The following PCDHGA1 variants were observed in gnomAD, a reference collection of about 807,000 sequenced individuals.
PCDHGA1 encodes the protein protocadherin gamma-A1.
A neutral mutation model predicts 58.0 loss-of-function variants in PCDHGA1; 32 were observed. The observed-to-expected ratio is 0.55, with a 90% confidence interval of 0.42 to 0.74. The LOEUF (loss-of-function observed/expected upper bound fraction) is 0.74, where lower values mean the gene tolerates loss of function less well. PCDHGA1 is among the 30% of genes least tolerant of loss of function. PCDHGA1 has a pLI of 0.00. For synonymous variants in PCDHGA1, 498 were observed against 501.1 expected (o/e 0.99, Z 0.08); for missense variants, 1,205 against 1,182.3 (o/e 1.02, Z -0.28).
chr5:141,503,713 C>T (rs867005984), intron 2 of PCDHGA1, among the ~76,000 whole-genome samples: 6 of 152,134 alleles, frequency 3.9e-5, no homozygotes, highest in Non-Finnish European at 8.8e-5. Context: ...TCCCCTTCAA[C>T]CCTAGCTTTA....
At chr5:141,478,019 C>T in intron 1 of PCDHGA1, 1 of 1,614,136 alleles carries the variant, frequency 6.2e-7, no homozygotes, top group Non-Finnish European at 8.5e-7. Flanking sequence ...CCGTCCAGTC[C>T]AAGACACAGA....
rs1338844043 is a variant in PCDHGA1 at position 141,332,852 on chromosome 5, G to T, written c.2168G>T (p.Arg723Leu). 1 of 1,614,236 alleles carries T rather than the reference G, an allele frequency of 6.2e-7. No homozygotes were observed. Among genetic ancestry groups the T allele is most frequent in the South Asian group, 1.1e-5 (1 of 91,086 alleles). ...AGGCTGCGGCGCTGGCACAAGTCAC[G>T]TCTGCTACAGGCTTCGGGAGGCGGC... is the stretch of plus-strand genomic sequence containing the variant. ...AHRLRRWHKS[R>L]LLQASGGGLA... Residue 723 changes from arginine to leucine, a missense_variant, in exon 1 of 4, where the codon CGT becomes CTT. Coordinates refer to ENST00000517417, the MANE Select transcript of PCDHGA1 (RefSeq NM_018912.3). The surrounding 1 kb of genome is among the most constrained non-coding windows in gnomAD (Gnocchi z 4.6).
In PCDHGA1 at chr5:141,364,672, GAAA is replaced by G. The variant is rs1433905391; in HGVS notation, c.2421+31569_2421+31571del. On this transcript the variant is annotated intron_variant, in intron 1 of 3. Coordinates refer to ENST00000517417, the MANE Select transcript of PCDHGA1 (RefSeq NM_018912.3). ...TTAACATCTTGGTTGAGAACAAAAT[GAAA>G]ATTTATGGAGTAGAAGTAGAAATAA... 6 of 1,613,908 alleles carry G rather than the reference GAAA, an allele frequency of 3.7e-6. No individual in the cohort carries two copies. In the African/African-American group the frequency reaches 6.7e-5, roughly 18 times the overall value.
At chr5:141,360,394 A>G in intron 1 of PCDHGA1, 8 of 1,613,932 alleles carry the variant, frequency 5.0e-6, no homozygotes, top group Non-Finnish European at 6.8e-6. Context: ...CTTACTTGTG[A>G]GTGACAGAAT....
chr5:141,405,353 A>G lies in PCDHGA1; in HGVS notation c.2421+72248A>G, dbSNP rs187461819. 6.9e-5 allele frequency: 112 copies of G among 1,614,026 alleles called. No homozygotes were observed. Among genetic ancestry groups the G allele is most frequent in the Admixed American group, 5.8e-4 (35 of 60,010 alleles). On this transcript the variant is annotated intron_variant, in intron 1 of 3. Coordinates refer to ENST00000517417, the MANE Select transcript of PCDHGA1 (RefSeq NM_018912.3). Reference sequence around the variant, plus strand: ...CGTCTCTGTTGATTCCAAGTTTCCTATAGAAGACACCCCTTTGGTTCCGGT... The same window carrying G: ...CGTCTCTGTTGATTCCAAGTTTCCTGTAGAAGACACCCCTTTGGTTCCGGT...
In PCDHGA1 at chr5:141,487,954, T is replaced by C. The variant is rs2099669751; in HGVS notation, c.2422-6853T>C. On this transcript the variant is annotated intron_variant, in intron 1 of 3. Transcript: ENST00000517417. The surrounding 1 kb of genome is among the most constrained non-coding windows in gnomAD (Gnocchi z 5.0). ...GGGTACAGTGCACCAGGCAGTCACTTGGACAAAGGTGGCTGTTTTCTCTAC... is the reference window on the plus strand; with the variant it reads ...GGGTACAGTGCACCAGGCAGTCACTCGGACAAAGGTGGCTGTTTTCTCTAC... Among the ~76,000 whole-genome samples the C allele has an allele frequency of 6.6e-6, 1 of 152,182 alleles. No homozygotes were observed. The highest frequency in any genetic ancestry group is 1.5e-5 in the Non-Finnish European group (1 of 68,020).
intron 1 of PCDHGA1, chr5:141,405,141 A>G (rs749502643): frequency 6.2e-7 from 1 of 1,613,980 alleles, no homozygotes; most frequent in South Asian, 1.1e-5. Flanking sequence ...GCTACCAGTG[A>G]TGGGTTGGCT....
intron 1 of PCDHGA1, chr5:141,408,047 A>C (rs1038145479): frequency 2.4e-6 from 3 of 1,243,316 alleles, no homozygotes; most frequent in Non-Finnish European, 3.2e-6. Context: ...GCTCCCACAC[A>C]GAGCCTCCCG....
intron 1 of PCDHGA1, chr5:141,419,197 T>A (rs560134083): frequency 6.2e-7 from 1 of 1,613,966 alleles, no homozygotes; most frequent in East Asian, 2.2e-5. Flanking sequence ...CTGACGTCAA[T>A]GACAACGCGC....
chr5:141,382,978 T>C, intron 1 of PCDHGA1: 1 of 1,610,702 alleles, frequency 6.2e-7, no homozygotes, highest in Non-Finnish European at 8.5e-7. Context: ...CTGGGAAGCC[T>C]GGGCAGGACG....
intron 1 of PCDHGA1, chr5:141,419,008 G>T: frequency 6.2e-7 from 1 of 1,613,978 alleles, no homozygotes; most frequent in Non-Finnish European, 8.5e-7. Flanking sequence ...GGGAAGTCAG[G>T]TGTAGCTTAA....
At position 141,490,076 on chromosome 5, in the gene PCDHGA1, A is replaced by G. The variant is rs1025569516; in HGVS notation, c.2422-4731A>G. 2.5e-6 allele frequency: 4 copies of G among 1,614,240 alleles called. No homozygotes were observed. The highest frequency in any genetic ancestry group is 1.3e-5 in the African/African-American group (1 of 75,070). Reference sequence around the variant, plus strand: ...GAGGGCACCAACGGCCAACTAGACTATTCTTTTGGAGACCACACATCTGAG... The same window carrying G: ...GAGGGCACCAACGGCCAACTAGACTGTTCTTTTGGAGACCACACATCTGAG... On this transcript the variant is annotated intron_variant, in intron 1 of 3. Coordinates refer to ENST00000517417, the MANE Select transcript of PCDHGA1 (RefSeq NM_018912.3). The surrounding 1 kb of genome is among the most constrained non-coding windows in gnomAD (Gnocchi z 5.4).
chr5:141,375,296 G>A lies in PCDHGA1; in HGVS notation c.2421+42191G>A, dbSNP rs1771320516. ...ATCAGTTGGCAATTATTATCGATTA[G>A]TGACAAATGCAGCTCTAGACCGGGA... On this transcript the variant is annotated intron_variant, in intron 1 of 3. Transcript: ENST00000517417. 5 of 1,613,828 alleles carry A rather than the reference G, an allele frequency of 3.1e-6. No homozygotes were observed. The South Asian group carries it at 4.4e-5, about 14-fold the overall frequency.
intron 1 of PCDHGA1, chr5:141,398,504 T>C: frequency 6.2e-7 from 1 of 1,611,098 alleles, no homozygotes; most frequent in Admixed American, 1.7e-5. Flanking sequence ...ATCGAGGACA[T>C]TAATGACCAC....
intron 1 of PCDHGA1, chr5:141,408,042 C>T (rs2095031452): frequency 1.7e-6 from 2 of 1,204,046 alleles, no homozygotes; most frequent in Non-Finnish European, 2.2e-6. Flanking sequence ...AACCAGCTCC[C>T]ACACAGAGCC....
At chr5:141,412,479 T>G (rs1282087411) in intron 1 of PCDHGA1, 1 of 152,180 alleles carries the variant, frequency 6.6e-6, no homozygotes, top group African/African-American at 2.4e-5. Context: ...TTTAAAAACC[T>G]CTTACACAAT....
intron 1 of PCDHGA1, chr5:141,389,562 G>T (rs1561626191): frequency 1.2e-6 from 2 of 1,613,284 alleles, no homozygotes; most frequent in Non-Finnish European, 1.7e-6. Context: ...TGCGCCACGG[G>T]TGCTGTACCC....
chr5:141,352,561 A>G, intron 1 of PCDHGA1: 1 of 1,613,960 alleles, frequency 6.2e-7, no homozygotes, highest in Non-Finnish European at 8.5e-7. Context: ...TCAACCTGAC[A>G]CCGGAAATGG....
intron 1 of PCDHGA1, among the ~76,000 whole-genome samples, chr5:141,373,280 A>G (rs1187870137): frequency 6.6e-6 from 1 of 152,242 alleles, no homozygotes; most frequent in Non-Finnish European, 1.5e-5. Context: ...GATGTTGCCT[A>G]TGTCAGGGCA....
Sources: allele counts gnomAD v4.1 joint callset (sites outside exome capture counted in the v4.1 genomes callset), GRCh38; gene constraint gnomAD v4.1.1; non-coding constraint Gnocchi (gnomAD v3.1); transcripts MANE v1.5; gene names NCBI Gene and HGNC (gene_info 2026-07-23, HGNC 2026-07-21).